Variants in FNTB observed in about 807,000 individuals in gnomAD.
The protein encoded by FNTB is protein farnesyltransferase subunit beta.
Under a neutral mutation model 59.4 loss-of-function variants are expected in FNTB, and 27 were observed. The observed-to-expected ratio is 0.45, with a 90% CI of 0.34 to 0.63. The LOEUF (loss-of-function observed/expected upper bound fraction) is 0.63. FNTB is among the 20% of genes least tolerant of loss of function. The pLI is 0.02. For missense variants in FNTB, 449 were observed against 559.6 expected (o/e 0.80, Z 1.99); for synonymous variants, 230 against 220.7 (o/e 1.04, Z -0.37).
chr14:65,039,712 G>A (rs1216705666), intron 7 of FNTB, among the ~76,000 whole-genome samples: 5 of 152,286 alleles, frequency 3.3e-5, no homozygotes, highest in Admixed American at 3.3e-4. Flanking sequence ...GGGTAACTTA[G>A]AAAGAAAAGA....
At chr14:65,026,075 T>C (rs1309017544) in intron 4 of FNTB, among the ~76,000 whole-genome samples, 3 of 152,206 alleles carry the variant, frequency 2.0e-5, no homozygotes, top group African/African-American at 7.2e-5. Context: ...GAGTAGGCTA[T>C]GTAGTCTTTC....
At position 65,027,879 on chromosome 14, in the gene FNTB, G is replaced by C. The variant is rs1595053413; in HGVS notation, c.605+98G>C. On this transcript the variant is annotated intron_variant, in intron 6 of 11. Coordinates refer to ENST00000246166, the MANE Select transcript of FNTB (RefSeq NM_002028.4). The surrounding 1 kb of genome is among the most constrained non-coding windows in gnomAD (Gnocchi z 5.7). ...TAAGGAACATCATGGGGAAGCTGCT[G>C]CTTTGTCCCAGAATGACACATGGGA... The C allele has an allele frequency of 2.0e-6, 3 of 1,505,450 alleles. No homozygotes were observed. In the East Asian group the frequency reaches 7.0e-5, roughly 35 times the overall value. 93.3% of individuals were successfully genotyped at this position (1,505,450 alleles called of 1,614,324 possible).
In FNTB at chr14:65,007,146, T is replaced by G. The variant is rs183646102; in HGVS notation, c.209+2833T>G. ...GAGTATATAATTCAACATATCAATA[T>G]AAGGCTGAAGGCAAACATCACCATC... On this transcript the variant is annotated intron_variant, in intron 2 of 11. Transcript: ENST00000246166. The surrounding 1 kb of genome is among the most constrained non-coding windows in gnomAD (Gnocchi z 4.9). Among the ~76,000 whole-genome samples, 1 of 152,336 alleles carries G rather than the reference T, an allele frequency of 6.6e-6. No individual in the cohort carries two copies. The highest frequency in any genetic ancestry group is 2.4e-5 in the African/African-American group (1 of 41,586).
At chr14:65,049,122 G>A (rs1485052719) in intron 9 of FNTB, among the ~76,000 whole-genome samples, 8 of 105,582 alleles carry the variant, frequency 7.6e-5, no homozygotes, top group African/African-American at 1.8e-4. Context: ...GCAGGACTCC[G>A]TCTAAAAAAA....
At chr14:65,039,917 G>A (rs556164772) in intron 7 of FNTB, among the ~76,000 whole-genome samples, 4 of 152,328 alleles carry the variant, frequency 2.6e-5, no homozygotes, top group South Asian at 2.1e-4. Flanking sequence ...GGCCAAGTGC[G>A]GTGGCCCATG....
At chr14:65,042,920 C>T (rs2062384533) in intron 8 of FNTB, among the ~76,000 whole-genome samples, 1 of 152,176 alleles carries the variant, frequency 6.6e-6, no homozygotes, top group Non-Finnish European at 1.5e-5. Context: ...CCTGAACCTG[C>T]AGTACAGTGT....
rs758200053 is a variant in FNTB, at chr14:64,987,053, C to T, written c.100C>T (p.Arg34Trp). 1.9e-6 allele frequency: 3 copies of T among 1,614,202 alleles called. No homozygotes were observed. The highest frequency in any genetic ancestry group is 1.1e-5 in the South Asian group (1 of 91,086). The change falls in exon 1 of 12, where the codon CGG becomes TGG. Residue 34 changes from arginine (R) to tryptophan (W), a missense_variant. By Grantham distance (101) the Arg-to-Trp change is moderately radical (BLOSUM62 -3). This residue lies in a region of FNTB where 112 missense variants were observed against 80.5 expected (regional missense o/e 1.39). Coordinates refer to ENST00000246166, the MANE Select transcript of FNTB (RefSeq NM_002028.4). ...YSLRPEHARE[R>W]LQDDSVETVT... ...TCTGAGGCCCGAGCACGCGCGAGAGCGGTTGCAGGACGACTCGGTGGAAAC... is the reference window on the plus strand; with the variant it reads ...TCTGAGGCCCGAGCACGCGCGAGAGTGGTTGCAGGACGACTCGGTGGAAAC...
chr14:64,991,633 A>T lies in FNTB; in HGVS notation c.144+4536A>T, dbSNP rs1280731470. Among the ~76,000 whole-genome samples the T allele has an allele frequency of 6.6e-6, 1 of 152,180 alleles. No individual in the cohort carries two copies. Among genetic ancestry groups the T allele is most frequent in the African/African-American group, 2.4e-5 (1 of 41,440 alleles). On this transcript the variant is annotated intron_variant, in intron 1 of 11. Coordinates refer to ENST00000246166, the MANE Select transcript of FNTB (RefSeq NM_002028.4). This position sits in a 1 kb window ranked among gnomAD's most constrained non-coding sequence, Gnocchi z 4.4. The stretch of plus-strand genomic sequence containing the variant: ...AAGAAAAAAATAAGAAGAATATGCT[A>T]TAGGCAGTCACAGAGTGCTAAATTA...
chr14:64,989,238 C>A (rs1007363487), intron 1 of FNTB, among the ~76,000 whole-genome samples: 2 of 139,360 alleles, frequency 1.4e-5, no homozygotes, highest in Admixed American at 1.5e-4. Context: ...CCCAAGAGAC[C>A]AACTTGGGCA....
intron 9 of FNTB, among the ~76,000 whole-genome samples, chr14:65,048,834 G>A (rs535407483): frequency 4.0e-4 from 61 of 152,134 alleles, no homozygotes; most frequent in African/African-American, 1.4e-3. Flanking sequence ...CTGAGCGACA[G>A]AGCAAGACTT....
chr14:65,005,501 C>CTTTCTTTCTTTCTT (rs1555390087), intron 2 of FNTB, among the ~76,000 whole-genome samples: 11 of 133,450 alleles, frequency 8.2e-5, no homozygotes, highest in African/African-American at 3.4e-4. Context: ...TTCTTTCTTT[C>CTTTCTTTCTTTCTT]TTTCTTTCTT....
At chr14:65,026,290 T>C (rs989895675) in intron 4 of FNTB, among the ~76,000 whole-genome samples, 1 of 152,220 alleles carries the variant, frequency 6.6e-6, no homozygotes, top group African/African-American at 2.4e-5. Context: ...CCCGGACTGA[T>C]GATAGGGCTC....
rs1199836408 is a variant in FNTB, at chr14:65,060,524, G to A, written c.1183-657G>A. Among the ~76,000 whole-genome samples, 6 of 127,230 alleles carry A rather than the reference G, an allele frequency of 4.7e-5. 1 individual carries two copies. The highest frequency in any genetic ancestry group is 5.1e-4 in the South Asian group (2 of 3,902). The allele number at this position is 127,230 out of a possible 152,430, so 83.5% of individuals were successfully genotyped here. Reference sequence around the variant, plus strand: ...ATCCCGGCTAAAACGGTGAAACCCCGTCTCTACTAAAAATACAAAAAATTA... The same window carrying A: ...ATCCCGGCTAAAACGGTGAAACCCCATCTCTACTAAAAATACAAAAAATTA... On this transcript the variant is annotated intron_variant, in intron 11 of 11. Coordinates refer to ENST00000246166, the MANE Select transcript of FNTB (RefSeq NM_002028.4).
At chr14:64,989,942 G>A (rs1236493087) in intron 1 of FNTB, among the ~76,000 whole-genome samples, 2 of 152,000 alleles carry the variant, frequency 1.3e-5, no homozygotes, top group Non-Finnish European at 2.9e-5. Flanking sequence ...TGGGGTGGGA[G>A]CAGGGGAGGT....
In FNTB at chr14:65,054,567, C is replaced by G. The variant is rs760773195; in HGVS notation, c.1068-8C>G. ...GGAGCGCCTGCTCAGAGCTGCCTGT[C>G]CTTACAGGTCGCGTGATTTCTACCA... On this transcript the variant is annotated splice_polypyrimidine_tract_variant and splice_region_variant and intron_variant, in intron 10 of 11. Coordinates refer to ENST00000246166, the MANE Select transcript of FNTB (RefSeq NM_002028.4). The surrounding 1 kb of genome is among the most constrained non-coding windows in gnomAD (Gnocchi z 4.4). 1 of 1,611,474 alleles carries G rather than the reference C, an allele frequency of 6.2e-7. No individual in the cohort carries two copies.
chr14:65,044,230 AGATT>A lies in FNTB; in HGVS notation c.823-78_823-75del. 1 of 1,600,356 alleles carries A rather than the reference AGATT, an allele frequency of 6.2e-7. No homozygotes were observed. Among genetic ancestry groups the A allele is most frequent in the Non-Finnish European group, 8.5e-7 (1 of 1,175,436 alleles). On this transcript the variant is annotated intron_variant, in intron 8 of 11. Transcript: ENST00000246166. This position sits in a 1 kb window ranked among gnomAD's most constrained non-coding sequence, Gnocchi z 5.5. ...CAAGATGGGAAACCCTCCATCCCAC[AGATT>A]GACTCCTGGAGATTCTGTCGGGCTG...
At chr14:65,000,553 G>T (rs1460170471) in intron 1 of FNTB, among the ~76,000 whole-genome samples, 1 of 152,058 alleles carries the variant, frequency 6.6e-6, no homozygotes, top group Non-Finnish European at 1.5e-5. Context: ...AGGTGAGGTG[G>T]CTCACGCCCG....
chr14:64,988,747 T>C (rs1034560586), intron 1 of FNTB, among the ~76,000 whole-genome samples: 1 of 152,166 alleles, frequency 6.6e-6, no homozygotes, highest in African/African-American at 2.4e-5. Context: ...ATCTTTCAAA[T>C]CTAGACCCAA....
intron 4 of FNTB, 116 bp downstream of exon 4, chr14:65,015,832 A>G: frequency 8.2e-7 from 1 of 1,220,684 alleles, no homozygotes; most frequent in South Asian, 1.4e-5. Context: ...CCACAAAGAA[A>G]TCTTTGCTCT....
Sources: gnomAD v4.1 joint callset for allele counts (sites outside exome capture counted in the v4.1 genomes callset) on GRCh38, gnomAD v4.1.1 for gene constraint, gnomAD v4.1.1 regional missense constraint, Gnocchi (gnomAD v3.1) non-coding constraint, MANE v1.5 for transcripts, NCBI Gene and HGNC (gene_info 2026-07-23, HGNC 2026-07-21) for gene names.